The following MICAL2 variants were observed in gnomAD, a reference collection of about 807,000 sequenced individuals.
The protein encoded by MICAL2 is microtubule associated monooxygenase, calponin and LIM domain containing 2, also known as [F-actin]-monooxygenase MICAL2.
MICAL2 carries 77 observed loss-of-function variants against 127.3 expected under a neutral mutation model. That is an observed-to-expected ratio of 0.60 (90% CI 0.50 to 0.73). The LOEUF is 0.73. Ranked by LOEUF, MICAL2 falls within the 30% of genes least tolerant of loss-of-function variation. The probability of loss-of-function intolerance (pLI) is 0.00; values close to 1 mark genes in which losing one functional copy is unlikely to be tolerated. For synonymous variants in MICAL2, 570 were observed against 551.1 expected (o/e 1.03, Z -0.48); for missense variants, 1,351 against 1,434.4 (o/e 0.94, Z 0.94).
chr11:12,294,699 T>C, downstream of MICAL2: 7 of 1,614,142 alleles, frequency 4.3e-6, no homozygotes, highest in Non-Finnish European at 5.9e-6. Flanking sequence ...ATCAGGGACC[T>C]CTTTGGCAGC....
Position 12,222,613 on chromosome 11 carries a change from C to G in MICAL2, c.1323-4C>G. 1 of 1,614,230 alleles carries G rather than the reference C, an allele frequency of 6.2e-7. No homozygotes were observed. The highest frequency in any genetic ancestry group is 8.5e-7 in the Non-Finnish European group (1 of 1,180,038). Reference sequence around the variant, plus strand: ...CCTGACCTCCAGGCTCCGCCTCCCTCCAGGGAAAGTCTCTACCGGCTGTTA... The same window carrying G: ...CCTGACCTCCAGGCTCCGCCTCCCTGCAGGGAAAGTCTCTACCGGCTGTTA... On this transcript the variant is annotated splice_polypyrimidine_tract_variant and splice_region_variant and intron_variant, in intron 10 of 27. Coordinates refer to ENST00000683283, the MANE Select transcript of MICAL2 (RefSeq NM_001282663.2).
downstream of MICAL2, chr11:12,293,589 T>G (rs927025845): frequency 2.5e-6 from 4 of 1,612,932 alleles, no homozygotes; most frequent in African/African-American, 5.3e-5. Context: ...CTCTCGCAAG[T>G]CTCGAGAGGT....
In MICAL2 at chr11:12,209,588, C is replaced by T. The variant is rs78053002; in HGVS notation, c.681C>T (p.Asn227=). ...DVIIGADGRR[N]TLEGFRRKEF... The stretch of plus-strand genomic sequence containing the variant: ...TCATTGGTGCCGATGGCCGCAGGAA[C>T]ACCCTGGAAGGTGAAGACTCTTCTT... Residue 227 remains asparagine (N), a synonymous_variant, in exon 6 of 28, where the codon AAC becomes AAT. Transcript: ENST00000683283. The T allele has an allele frequency of 1.3e-3, 2,061 of 1,613,404 alleles. 24 individuals carry two copies. In the African/African-American group the frequency reaches 0.024, roughly 19 times the overall value.
intron 11 of MICAL2, 149 bp downstream of exon 11, chr11:12,222,892 C>T (rs544186262): frequency 5.1e-5 from 51 of 1,008,444 alleles, no homozygotes; most frequent in Admixed American, 8.2e-5. Flanking sequence ...AGTTCTTCTC[C>T]CCACTCGAGT....
intron 32 of MICAL2, among the ~76,000 whole-genome samples, chr11:12,341,566 C>T (rs1938865772): frequency 6.6e-6 from 1 of 152,128 alleles, no homozygotes; most frequent in Non-Finnish European, 1.5e-5. Context: ...GTGGCTTATG[C>T]CTCTAATCCC....
chr11:12,145,991 GA>G (rs1565034171), intron 2 of MICAL2, among the ~76,000 whole-genome samples: 1 of 152,180 alleles, frequency 6.6e-6, no homozygotes, highest in African/African-American at 2.4e-5. Context: ...TAATTCAAAT[GA>G]AAAATTTAGA....
chr11:12,207,648 GC>G lies in MICAL2; in HGVS notation c.473-374del, dbSNP rs567213492. The G allele has an allele frequency of 2.1e-3, 360 of 169,270 alleles. 1 individual carries two copies. The highest frequency in any genetic ancestry group is 8.0e-3 in the African/African-American group (336 of 41,994). The allele number at this position is 169,270 out of a possible 1,614,324, so 10.5% of individuals were successfully genotyped here. ...TTCATTTCATCAAACCCAGAGCCCA[GC>G]TGGGGAAGGAGGCTGGAAAGACAGA... On this transcript the variant is annotated intron_variant, in intron 4 of 27. Coordinates refer to ENST00000683283, the MANE Select transcript of MICAL2 (RefSeq NM_001282663.2).
chr11:12,351,558 A>G (rs1939045515), intron 33 of MICAL2, among the ~76,000 whole-genome samples: 1 of 152,232 alleles, frequency 6.6e-6, no homozygotes, highest in Non-Finnish European at 1.5e-5. Context: ...AGGCTTATTG[A>G]GAACACATGT....
chr11:12,204,466 A>G lies in MICAL2; in HGVS notation c.472+9A>G, dbSNP rs762164610. On this transcript the variant is annotated intron_variant, in intron 4 of 27. Transcript: ENST00000683283. ...CTCCATCGACCATATCAGTGAGTGG[A>G]GTCTATGGTGATATCCCATGAAGGG... The G allele has an allele frequency of 6.2e-7, 1 of 1,613,458 alleles. No homozygotes were observed. Among genetic ancestry groups the G allele is most frequent in the Non-Finnish European group, 8.5e-7 (1 of 1,179,430 alleles).
intron 1 of MICAL2, among the ~76,000 whole-genome samples, chr11:12,120,141 C>T (rs1325772452): frequency 6.6e-6 from 1 of 152,228 alleles, no homozygotes; most frequent in Non-Finnish European, 1.5e-5. Flanking sequence ...TTATCATGAA[C>T]ACCTCCCCCA....
At chr11:12,352,801 G>A (rs902915857) in intron 33 of MICAL2, among the ~76,000 whole-genome samples, 1 of 152,214 alleles carries the variant, frequency 6.6e-6, no homozygotes, top group Non-Finnish European at 1.5e-5. Context: ...GGAGAGTGGG[G>A]AGGGAGAAGA....
intron 2 of MICAL2, chr11:12,161,853 C>T (rs1462017992): frequency 4.8e-6 from 2 of 420,136 alleles, no homozygotes; most frequent in African/African-American, 2.0e-5. Flanking sequence ...TTTCAGCCAG[C>T]AAGAGGAGCA....
At chr11:12,309,843 T>G (rs758229443) in intron 29 of MICAL2, among the ~76,000 whole-genome samples, 1 of 152,128 alleles carries the variant, frequency 6.6e-6, no homozygotes, top group Non-Finnish European at 1.5e-5. Context: ...GCATTTTTGA[T>G]TTTTTGGTCT....
intron 29 of MICAL2, among the ~76,000 whole-genome samples, chr11:12,302,611 T>C (rs1565299384): frequency 6.6e-6 from 1 of 152,162 alleles, no homozygotes; most frequent in African/African-American, 2.4e-5. Flanking sequence ...TGTGTTGTCT[T>C]CTCCTACTCT....
At chr11:12,232,985 G>A (rs1171104748) in intron 15 of MICAL2, among the ~76,000 whole-genome samples, 1 of 152,114 alleles carries the variant, frequency 6.6e-6, no homozygotes, top group Non-Finnish European at 1.5e-5. Context: ...CCTTTGTCCA[G>A]CATATCCATG....
At chr11:12,268,505 G>A (rs1184689493), downstream of MICAL2, among the ~76,000 whole-genome samples, 3 of 152,202 alleles carry the variant, frequency 2.0e-5, no homozygotes, top group African/African-American at 7.2e-5. Context: ...ACAAGGGACA[G>A]GGTGGGGAAC....
At chr11:12,281,543 TG>T (rs1863771565) in intron 2 of MICAL2, among the ~76,000 whole-genome samples, 1 of 152,174 alleles carries the variant, frequency 6.6e-6, no homozygotes, top group African/African-American at 2.4e-5. Flanking sequence ...TGGGACCACC[TG>T]CACAGCACCG....
chr11:12,323,750 C>T (rs1338365745), intron 30 of MICAL2, among the ~76,000 whole-genome samples: 1 of 152,198 alleles, frequency 6.6e-6, no homozygotes, highest in East Asian at 1.9e-4. Context: ...TCCACACTCA[C>T]TTCAAGTGTC....
chr11:12,330,456 G>A (rs1864402563), intron 32 of MICAL2, among the ~76,000 whole-genome samples: 1 of 152,128 alleles, frequency 6.6e-6, no homozygotes, highest in Admixed American at 6.5e-5. Context: ...AGTAGTCTGC[G>A]ACAGTTATGC....
Sources: gnomAD v4.1 joint callset for allele counts (sites outside exome capture counted in the v4.1 genomes callset) on GRCh38, gnomAD v4.1.1 for gene constraint, MANE v1.5 for transcripts, NCBI Gene and HGNC (gene_info 2026-07-23, HGNC 2026-07-21) for gene names.